PLXDC2: variants seen among roughly 807,000 people sequenced by gnomAD.
The protein encoded by PLXDC2 is plexin domain-containing protein 2.
A neutral mutation model predicts 68.9 loss-of-function variants in PLXDC2; 40 were observed. The ratio of observed to expected loss-of-function variants is 0.58; its 90% CI spans 0.45 to 0.76. The LOEUF (loss-of-function observed/expected upper bound fraction) is 0.76. Among genes scored for constraint, PLXDC2 ranks in the 30% least tolerant of loss-of-function variants. PLXDC2 has a pLI of 0.00. For missense variants in PLXDC2, 644 were observed against 661.9 expected (o/e 0.97, Z 0.30); for synonymous variants, 243 against 234.2 (o/e 1.04, Z -0.34).
intron 1 of PLXDC2, among the ~76,000 whole-genome samples, chr10:19,843,988 C>G (rs1015589389): frequency 6.6e-6 from 1 of 152,054 alleles, no homozygotes; most frequent in African/African-American, 2.4e-5. Context: ...CCCAAATGCC[C>G]TGACTGATGG....
At chr10:20,120,909 A>C (rs928481674) in intron 4 of PLXDC2, among the ~76,000 whole-genome samples, 1 of 152,134 alleles carries the variant, frequency 6.6e-6, no homozygotes, top group Non-Finnish European at 1.5e-5. Flanking sequence ...GCCTGATGGA[A>C]CCGCCATCAA....
intron 1 of PLXDC2, 25 bp from the exon 2 acceptor site, chr10:20,001,749 AC>A: frequency 6.2e-7 from 1 of 1,604,494 alleles, no homozygotes; most frequent in Non-Finnish European, 8.5e-7. Flanking sequence ...ATGAGTGGTA[AC>A]CCATTTTCTT....
At chr10:19,973,819 G>A (rs1333413603) in intron 1 of PLXDC2, among the ~76,000 whole-genome samples, 8 of 152,146 alleles carry the variant, frequency 5.3e-5, no homozygotes, top group East Asian at 1.9e-4. Context: ...CTGGGAGAGC[G>A]CCATTCTGCC....
intron 1 of PLXDC2, among the ~76,000 whole-genome samples, chr10:19,976,338 C>T (rs865909851): frequency 6.6e-6 from 1 of 151,992 alleles, no homozygotes; most frequent in Non-Finnish European, 1.5e-5. Context: ...CTCAGCCTCC[C>T]GAGTAGCTGG....
chr10:20,223,473 C>T (rs11816576), intron 12 of PLXDC2, among the ~76,000 whole-genome samples: 2,207 of 151,928 alleles, frequency 0.015, 45 homozygotes, highest in African/African-American at 0.047. Flanking sequence ...CCACTACACC[C>T]GGCTAATTTT....
At position 20,118,105 on chromosome 10, in the gene PLXDC2, TACACACAC is replaced by T. The variant is rs60160833; in HGVS notation, c.542-25164_542-25157del. Among the ~76,000 whole-genome samples the T allele has an allele frequency of 5.2e-3, 766 of 146,380 alleles. 6 individuals carry two copies. The highest frequency in any genetic ancestry group is 0.012 in the South Asian group (52 of 4,444). On this transcript the variant is annotated intron_variant, in intron 4 of 13. Coordinates refer to ENST00000377252, the MANE Select transcript of PLXDC2 (RefSeq NM_032812.9). ...GTATATACATGCATCCATATATGCCTACACACACACACACACACACACACACACACACA... is the reference window on the plus strand; with the variant it reads ...GTATATACATGCATCCATATATGCCTACACACACACACACACACACACACA...
At chr10:20,081,439 A>G (rs1836556820) in intron 4 of PLXDC2, among the ~76,000 whole-genome samples, 1 of 152,194 alleles carries the variant, frequency 6.6e-6, no homozygotes, top group Admixed American at 6.5e-5. Flanking sequence ...AAACAAAAGC[A>G]GAACAGAACA....
chr10:20,056,413 C>G (rs1208243134), intron 3 of PLXDC2, among the ~76,000 whole-genome samples: 1 of 152,150 alleles, frequency 6.6e-6, no homozygotes, highest in Non-Finnish European at 1.5e-5. Context: ...AACCATCTAC[C>G]CCTGTCCTGC....
chr10:19,951,874 C>A (rs1405276510), intron 1 of PLXDC2, among the ~76,000 whole-genome samples: 1 of 152,120 alleles, frequency 6.6e-6, no homozygotes, highest in African/African-American at 2.4e-5. Context: ...AGACCCTAAT[C>A]CTAAGCCAGT....
intron 1 of PLXDC2, among the ~76,000 whole-genome samples, chr10:20,001,322 CATGAAATAAAT>C (rs1449420810): frequency 3.3e-5 from 5 of 152,168 alleles, no homozygotes; most frequent in Admixed American, 2.0e-4. Context: ...TGCTGTCCAG[CATGAAATAAAT>C]ATGAAATAAA....
At chr10:20,019,673 G>A (rs74550876) in intron 2 of PLXDC2, among the ~76,000 whole-genome samples, 6,503 of 152,242 alleles carry the variant, frequency 0.043, 200 homozygotes, top group Middle Eastern at 0.088. Context: ...AGGACACAGT[G>A]GGAAAGTGGC....
intron 12 of PLXDC2, among the ~76,000 whole-genome samples, chr10:20,221,968 T>A (rs1835218232): frequency 6.6e-6 from 1 of 152,204 alleles, no homozygotes; most frequent in Non-Finnish European, 1.5e-5. Flanking sequence ...ATTTGAGGTT[T>A]ACAACATGAA....
In PLXDC2 at chr10:19,837,401, AGAGAGAGAGTGTGTGTGT is replaced by A. The variant is rs757556424; in HGVS notation, c.112+20212_112+20229del. 6.1e-4 allele frequency among the ~76,000 whole-genome samples: 29 copies of A among 47,434 alleles called. 1 individual carries two copies. Among genetic ancestry groups the A allele is most frequent in the Admixed American group, 5.3e-3 (16 of 2,998 alleles). 31.1% of individuals were successfully genotyped at this position (47,434 alleles called of 152,430 possible). A position where few individuals can be genotyped will look rare whatever the true frequency, so the allele number is the denominator to read the frequency against. On this transcript the variant is annotated intron_variant, in intron 1 of 13. Coordinates refer to ENST00000377252, the MANE Select transcript of PLXDC2 (RefSeq NM_032812.9). ...TTGAGTAAGTGAGAGAGAGAGAGAG[AGAGAGAGAGTGTGTGTGT>A]GTGTGTGTGTGTGTGTGTGTGTGTG... is the stretch of plus-strand genomic sequence containing the variant.
chr10:19,916,388 A>T (rs954382841), intron 1 of PLXDC2, among the ~76,000 whole-genome samples: 11 of 150,972 alleles, frequency 7.3e-5, no homozygotes, highest in Non-Finnish European at 1.5e-5. Context: ...ACCTCAGGTG[A>T]TCCGCCCACC....
intron 1 of PLXDC2, among the ~76,000 whole-genome samples, chr10:19,853,306 T>G (rs1837154767): frequency 6.6e-6 from 1 of 152,224 alleles, no homozygotes; most frequent in South Asian, 2.1e-4. Context: ...GTGAACATTA[T>G]TTTCTCTTTG....
At chr10:20,102,160 T>C (rs1183521694) in intron 4 of PLXDC2, among the ~76,000 whole-genome samples, 1 of 152,188 alleles carries the variant, frequency 6.6e-6, no homozygotes, top group Non-Finnish European at 1.5e-5. Flanking sequence ...ACTGCTACCA[T>C]TGTGGTCTAA....
At chr10:20,135,575 C>G (rs1833922860) in intron 4 of PLXDC2, among the ~76,000 whole-genome samples, 1 of 152,100 alleles carries the variant, frequency 6.6e-6, no homozygotes, top group Non-Finnish European at 1.5e-5. Context: ...TGATTTTCAG[C>G]TTTTGTTTGT....
intron 1 of PLXDC2, among the ~76,000 whole-genome samples, chr10:19,846,726 C>G (rs528715093): frequency 6.6e-6 from 1 of 152,142 alleles, no homozygotes; most frequent in Admixed American, 6.5e-5. Flanking sequence ...GTCTCGTGGG[C>G]CAAGACCACA....
intron 7 of PLXDC2, among the ~76,000 whole-genome samples, chr10:20,165,886 G>T (rs1008222701): frequency 2.6e-5 from 4 of 152,062 alleles, no homozygotes; most frequent in Non-Finnish European, 5.9e-5. Context: ...TCTGGTTTTT[G>T]AATCTCCTTC....
Sources: allele counts gnomAD v4.1 joint callset (sites outside exome capture counted in the v4.1 genomes callset), GRCh38; gene constraint gnomAD v4.1.1; transcripts MANE v1.5; gene names NCBI Gene and HGNC (gene_info 2026-07-23, HGNC 2026-07-21).